The following FAXC variants were observed in gnomAD, a reference collection of about 807,000 sequenced individuals.
FAXC encodes failed axon connections homolog, metaxin like GST domain containing.
FAXC carries 10 observed loss-of-function variants against 41.9 expected under a neutral mutation model. The observed-to-expected ratio is 0.24, with a 90% CI of 0.15 to 0.41. The LOEUF is 0.41. Ranked by LOEUF, FAXC falls within the 10% of genes least tolerant of loss-of-function variation. The pLI, the probability that FAXC is intolerant of heterozygous loss-of-function variation, is 1.00. For synonymous variants in FAXC, 183 were observed against 183.8 expected (o/e 1.00, Z 0.03); for missense variants, 399 against 510.9 (o/e 0.78, Z 2.11).
intron 3 of FAXC, among the ~76,000 whole-genome samples, chr6:99,329,715 C>A (rs1319346293): frequency 6.6e-6 from 1 of 151,950 alleles, no homozygotes; most frequent in Non-Finnish European, 1.5e-5. Context: ...AGAGTAGTCT[C>A]TTGGCTTTTA....
intron 4 of FAXC, among the ~76,000 whole-genome samples, chr6:99,304,968 GA>G (rs1771859097): frequency 6.6e-6 from 1 of 152,224 alleles, no homozygotes; most frequent in Non-Finnish European, 1.5e-5. Context: ...AATAAGTTTT[GA>G]GAAACTGTGA....
At chr6:99,309,125 C>T (rs221535) in intron 4 of FAXC, among the ~76,000 whole-genome samples, 133,159 of 152,172 alleles carry the variant, frequency 0.88, 58,751 homozygotes, top group East Asian at 1. Flanking sequence ...TCTATATTCA[C>T]CTCTAACACA....
chr6:99,349,921 G>C (rs887483389), upstream of FAXC: 1 of 152,092 alleles, frequency 6.6e-6, no homozygotes, highest in African/African-American at 2.4e-5. Flanking sequence ...CTGCAGTCGG[G>C]GCCCGGATCC....
intron 4 of FAXC, among the ~76,000 whole-genome samples, chr6:99,313,108 C>T (rs1211121355): frequency 1.3e-5 from 2 of 152,146 alleles, no homozygotes; most frequent in Admixed American, 6.5e-5. Context: ...GCCTGGGCAA[C>T]ATGGCAAAAC....
chr6:99,346,591 C>G (rs7774658), intron 1 of FAXC, among the ~76,000 whole-genome samples: 1 of 148,630 alleles, frequency 6.7e-6, no homozygotes. Context: ...TTTTAGTAGA[C>G]GGGGTTTCAC....
At chr6:99,336,753 G>T (rs1773230793) in intron 2 of FAXC, among the ~76,000 whole-genome samples, 1 of 152,122 alleles carries the variant, frequency 6.6e-6, no homozygotes, top group African/African-American at 2.4e-5. Context: ...GTAGAGTGGG[G>T]ATAATAACAG....
chr6:99,344,327 C>G (rs1773521979), intron 1 of FAXC, among the ~76,000 whole-genome samples: 1 of 152,162 alleles, frequency 6.6e-6, no homozygotes, highest in Non-Finnish European at 1.5e-5. Context: ...TCATTTGACC[C>G]AGCTGATTTC....
intron 3 of FAXC, among the ~76,000 whole-genome samples, chr6:99,326,403 T>C (rs1772804807): frequency 6.6e-6 from 1 of 152,168 alleles, no homozygotes; most frequent in Non-Finnish European, 1.5e-5. Flanking sequence ...CTAGGTATTT[T>C]CTCCTAAAAT....
intron 2 of FAXC, among the ~76,000 whole-genome samples, chr6:99,338,428 CA>C (rs2128464199): frequency 6.6e-6 from 1 of 152,254 alleles, no homozygotes; most frequent in Non-Finnish European, 1.5e-5. Flanking sequence ...CTACAGCAGT[CA>C]GGGCTTGACG....
In FAXC at chr6:99,280,698, C is replaced by G. The variant is rs905409627; in HGVS notation, c.*466G>C. 2 of 168,376 alleles carry G rather than the reference C, an allele frequency of 1.2e-5. No homozygotes were observed. Among genetic ancestry groups the G allele is most frequent in the African/African-American group, 4.8e-5 (2 of 41,640 alleles). The allele number at this position is 168,376 out of a possible 1,614,324, so 10.4% of individuals were successfully genotyped here. On this transcript the variant is annotated 3_prime_UTR_variant, in exon 6 of 6. Transcript: ENST00000389677. The stretch of plus-strand genomic sequence containing the variant: ...TGTGGATTTTATTTGACTTATGTCT[C>G]AACATACAATATACACACATAAAGT...
In FAXC at chr6:99,302,064, C is replaced by A. The variant is rs1277452782; in HGVS notation, c.824-10244G>T. 2.0e-5 allele frequency among the ~76,000 whole-genome samples: 3 copies of A among 152,228 alleles called. No individual in the cohort carries two copies. The East Asian group carries it at 5.8e-4, about 29-fold the overall frequency. ...TCTGCTCAAGGTGTCTCACAGGCTG[C>A]AATGAAGATGCCAGCCCTTTGCAGT... On this transcript the variant is annotated intron_variant, in intron 4 of 5. Coordinates refer to ENST00000389677, the MANE Select transcript of FAXC (RefSeq NM_032511.4).
intron 2 of FAXC, among the ~76,000 whole-genome samples, chr6:99,340,066 TTA>T (rs1178204431): frequency 2.6e-5 from 4 of 152,102 alleles, no homozygotes; most frequent in African/African-American, 9.7e-5. Flanking sequence ...CTAAGATAAT[TTA>T]GAGAGAAAGA....
intron 4 of FAXC, among the ~76,000 whole-genome samples, chr6:99,303,588 A>G (rs551925656): frequency 6.6e-6 from 1 of 152,352 alleles, no homozygotes; most frequent in Admixed American, 6.5e-5. Context: ...ATGACAAGTT[A>G]GGCCCTTATG....
At chr6:99,312,695 T>A (rs543208827) in intron 4 of FAXC, among the ~76,000 whole-genome samples, 1 of 152,208 alleles carries the variant, frequency 6.6e-6, no homozygotes. Flanking sequence ...TATTAATAAC[T>A]GTAAGGTTGC....
At chr6:99,308,103 C>G (rs998119977) in intron 4 of FAXC, among the ~76,000 whole-genome samples, 2 of 152,114 alleles carry the variant, frequency 1.3e-5, no homozygotes, top group Non-Finnish European at 2.9e-5. Context: ...TCGGGACCAG[C>G]CTGGCCAACA....
At chr6:99,281,599 C>T in intron 5 of FAXC, 146 bp from the exon 6 acceptor site, 1 of 681,724 alleles carries the variant, frequency 1.5e-6, no homozygotes. Context: ...AGAGGTGGTT[C>T]GTTCATGAGG....
chr6:99,313,084 G>C (rs1461940557), intron 4 of FAXC, among the ~76,000 whole-genome samples: 9 of 152,218 alleles, frequency 5.9e-5, no homozygotes, highest in Admixed American at 5.9e-4. Context: ...CTTGAGCACA[G>C]GAATTCAAGA....
intron 4 of FAXC, among the ~76,000 whole-genome samples, chr6:99,302,259 A>G (rs994840050): frequency 2.6e-5 from 4 of 152,210 alleles, no homozygotes; most frequent in African/African-American, 9.6e-5. Flanking sequence ...CAAACAAGTG[A>G]GAGGGCAAGA....
chr6:99,341,735 C>A (rs759054313), intron 2 of FAXC, among the ~76,000 whole-genome samples: 1 of 151,972 alleles, frequency 6.6e-6, no homozygotes, highest in African/African-American at 2.4e-5. Flanking sequence ...ATACACTAAA[C>A]GTGTTTAAGC....
Sources: gnomAD v4.1 joint callset for allele counts (sites outside exome capture counted in the v4.1 genomes callset) on GRCh38, gnomAD v4.1.1 for gene constraint, MANE v1.5 for transcripts, NCBI Gene and HGNC (gene_info 2026-07-23, HGNC 2026-07-21) for gene names.